Variants in LCOR observed in about 807,000 individuals in gnomAD.
The protein encoded by LCOR is ligand-dependent corepressor.
In LCOR, 14 loss-of-function variants were observed where a neutral mutation model predicts 64.4. The observed-to-expected ratio is 0.22, with a 90% CI of 0.14 to 0.34. LCOR has a LOEUF of 0.34. LCOR is among the 10% of genes least tolerant of loss of function. The probability of loss-of-function intolerance (pLI) is 1.00; values close to 1 mark genes in which losing one functional copy is unlikely to be tolerated. For missense variants in LCOR, 1,686 were observed against 1,765.3 expected (o/e 0.96, Z 0.80); for synonymous variants, 643 against 642.5 (o/e 1.00, Z -0.01).
chr10:96,948,721 A>G (rs1473240609), intron 5 of LCOR, among the ~76,000 whole-genome samples: 1 of 152,156 alleles, frequency 6.6e-6, no homozygotes, highest in Non-Finnish European at 1.5e-5. Context: ...GGATTTCTGT[A>G]TCAGGTAAGT....
chr10:96,915,744 T>C, intron 4 of LCOR: 1 of 647,634 alleles, frequency 1.5e-6, no homozygotes, highest in Non-Finnish European at 2.9e-6. Flanking sequence ...TTTTTCCCTT[T>C]GGGTACCTTC....
intron 2 of LCOR, among the ~76,000 whole-genome samples, chr10:96,881,600 G>A (rs368090506): frequency 9.3e-4 from 142 of 152,082 alleles, no homozygotes; most frequent in African/African-American, 3.1e-3. Flanking sequence ...GGGATTACAG[G>A]TGCCCGCCAC....
intron 4 of LCOR, among the ~76,000 whole-genome samples, chr10:96,920,434 G>GTATATATATTCA (rs765295602): frequency 1.6e-5 from 2 of 124,012 alleles, no homozygotes; most frequent in Non-Finnish European, 1.6e-5. Context: ...ATATATATGT[G>GTATATATATTCA]TATATATGTG....
chr10:96,941,139 G>A (rs1589670669), intron 4 of LCOR, among the ~76,000 whole-genome samples: 1 of 141,512 alleles, frequency 7.1e-6, no homozygotes. Flanking sequence ...GGGGCGGCCG[G>A]GCAGAGGCGC....
At chr10:96,925,163 C>T (rs113272332) in intron 4 of LCOR, among the ~76,000 whole-genome samples, 2,484 of 152,180 alleles carry the variant, frequency 0.016, 74 homozygotes, top group African/African-American at 0.056. Flanking sequence ...GCAACCTCCG[C>T]GTCCCGGGTT....
At chr10:96,977,008 T>G (rs1848045143) in intron 7 of LCOR, among the ~76,000 whole-genome samples, 1 of 152,230 alleles carries the variant, frequency 6.6e-6, no homozygotes, top group Non-Finnish European at 1.5e-5. Context: ...TCCTTTTTTG[T>G]GTATTGCCAA....
chr10:96,842,981 C>T (rs189967791), intron 2 of LCOR, among the ~76,000 whole-genome samples: 4 of 152,172 alleles, frequency 2.6e-5, no homozygotes, highest in South Asian at 4.2e-4. Flanking sequence ...GTAGAGGAAG[C>T]GAATGTTGAA....
intron 2 of LCOR, 126 bp downstream of exon 2, chr10:96,833,605 TG>T: frequency 3.8e-6 from 1 of 264,962 alleles, no homozygotes; most frequent in East Asian, 1.8e-4. Context: ...TGCTGGTGTG[TG>T]GGGAGATGCC....
chr10:96,887,170 A>G (rs140329791), intron 2 of LCOR, among the ~76,000 whole-genome samples: 1 of 152,324 alleles, frequency 6.6e-6, no homozygotes, highest in Non-Finnish European at 1.5e-5. Flanking sequence ...ACAAATTAAG[A>G]CAGTGGCACC....
chr10:96,935,061 G>A (rs1013675695), intron 4 of LCOR, among the ~76,000 whole-genome samples: 10 of 146,708 alleles, frequency 6.8e-5, no homozygotes, highest in Non-Finnish European at 1.5e-4. Flanking sequence ...ATACAATAAT[G>A]TATTATTTTA....
chr10:96,945,041 T>G (rs1399419840), intron 5 of LCOR, among the ~76,000 whole-genome samples: 4 of 152,240 alleles, frequency 2.6e-5, no homozygotes, highest in African/African-American at 9.6e-5. Flanking sequence ...GGATTTATAC[T>G]TCTTAGTTAC....
intron 7 of LCOR, among the ~76,000 whole-genome samples, chr10:96,966,426 C>G (rs1362947537): frequency 2.6e-5 from 4 of 151,874 alleles, no homozygotes; most frequent in Admixed American, 2.6e-4. Flanking sequence ...AACGGGGTTT[C>G]ACCGTGTTAG....
intron 4 of LCOR, chr10:96,915,871 T>C (rs939149743): frequency 4.2e-6 from 2 of 476,244 alleles, no homozygotes; most frequent in East Asian, 4.8e-5. Flanking sequence ...CATTATCTCC[T>C]TTAGCATCCC....
intron 2 of LCOR, among the ~76,000 whole-genome samples, chr10:96,845,449 C>CTTTTTTTTTTTTTTT (rs762639752): frequency 8.2e-5 from 4 of 48,686 alleles, no homozygotes; most frequent in African/African-American, 1.7e-4. Flanking sequence ...TGGGCTTATC[C>CTTTTTTTTTTTTTTT]TTTTTTTTTT....
intron 2 of LCOR, among the ~76,000 whole-genome samples, chr10:96,846,100 G>A (rs1022572302): frequency 3.3e-5 from 5 of 152,056 alleles, no homozygotes; most frequent in Admixed American, 1.3e-4. Context: ...TTGGCTACTC[G>A]GGAGGCTGAG....
intron 2 of LCOR, among the ~76,000 whole-genome samples, chr10:96,900,462 A>G (rs1318936415): frequency 6.6e-6 from 1 of 152,128 alleles, no homozygotes; most frequent in Non-Finnish European, 1.5e-5. Flanking sequence ...AATTAAAGCA[A>G]AATTTAATGA....
chr10:96,948,885 G>A, intron 5 of LCOR, 123 bp from the exon 6 acceptor site: 5 of 651,716 alleles, frequency 7.7e-6, no homozygotes, highest in South Asian at 7.2e-5. Context: ...AAGTCAAAGG[G>A]GAGATACTAT....
chr10:96,956,587 G>A, intron 7 of LCOR: 1 of 985,796 alleles, frequency 1.0e-6, no homozygotes, highest in Non-Finnish European at 1.2e-6. Flanking sequence ...GGGGAAGGTG[G>A]TGGAAAATGT....
At position 96,842,797 on chromosome 10, in the gene LCOR, G is replaced by A. The variant is rs144431752; in HGVS notation, c.-330+9318G>A. Among the ~76,000 whole-genome samples, 9 of 151,668 alleles carry A rather than the reference G, an allele frequency of 5.9e-5. No individual in the cohort carries two copies. In the East Asian group the frequency reaches 1.8e-3, roughly 30 times the overall value. On this transcript the variant is annotated intron_variant, in intron 2 of 7. Coordinates refer to ENST00000421806, the MANE Select transcript of LCOR (RefSeq NM_001346516.2). ...AGGCATATGCCACCACAGCCCACTAGTTCTTGTTTTTTTTGGTAGAGAGGG... is the reference window on the plus strand; with the variant it reads ...AGGCATATGCCACCACAGCCCACTAATTCTTGTTTTTTTTGGTAGAGAGGG...
Sources: gnomAD v4.1 joint callset for allele counts (sites outside exome capture counted in the v4.1 genomes callset) on GRCh38, gnomAD v4.1.1 for gene constraint, MANE v1.5 for transcripts, NCBI Gene and HGNC (gene_info 2026-07-23, HGNC 2026-07-21) for gene names.